The following PLCXD3 variants were observed in gnomAD, a reference collection of about 807,000 sequenced individuals.
PLCXD3 encodes phosphatidylinositol specific phospholipase C X domain containing 3.
PLCXD3 carries 19 observed loss-of-function variants against 25.5 expected under a neutral mutation model. The observed-to-expected ratio is 0.75, with a 90% CI of 0.52 to 1.09. PLCXD3 has a LOEUF of 1.09. Among genes scored for constraint, PLCXD3 ranks in the 50% least tolerant of loss-of-function variants. PLCXD3 has a pLI of 0.00. For missense variants in PLCXD3, 411 were observed against 388.1 expected, an observed-to-expected ratio of 1.06 and a Z score of -0.50; for synonymous variants, 174 against 137.6, an observed-to-expected ratio of 1.26 and a Z score of -1.85.
intron 1 of PLCXD3, among the ~76,000 whole-genome samples, chr5:41,489,277 C>T (rs1561288066): frequency 6.6e-6 from 1 of 152,060 alleles, no homozygotes; most frequent in African/African-American, 2.4e-5. Flanking sequence ...CTGTTCTGTT[C>T]CATTGATCTA....
intron 1 of PLCXD3, among the ~76,000 whole-genome samples, chr5:41,505,568 T>G (rs1439215720): frequency 3.3e-5 from 5 of 152,204 alleles, no homozygotes; most frequent in Non-Finnish European, 7.3e-5. Flanking sequence ...GCTGGTCCTG[T>G]GCACCACAAA....
chr5:41,426,264 G>A (rs921703698), intron 1 of PLCXD3, among the ~76,000 whole-genome samples: 1 of 151,948 alleles, frequency 6.6e-6, no homozygotes, highest in African/African-American at 2.4e-5. Flanking sequence ...TGAGGGGTGG[G>A]TTAAGGCCTT....
intron 1 of PLCXD3, among the ~76,000 whole-genome samples, chr5:41,386,729 T>A (rs149874460): frequency 7.9e-5 from 12 of 152,082 alleles, no homozygotes; most frequent in Non-Finnish European, 1.5e-4. Context: ...ATGGAAGTCA[T>A]TAATAGCTCA....
chr5:41,463,797 C>T (rs755735348), intron 1 of PLCXD3, among the ~76,000 whole-genome samples: 2 of 151,894 alleles, frequency 1.3e-5, no homozygotes, highest in Non-Finnish European at 2.9e-5. Flanking sequence ...CATTGGAATT[C>T]ACTACGAATG....
At position 41,381,820 on chromosome 5, in the gene PLCXD3, A is replaced by G. The variant is rs1745469845; in HGVS notation, c.812+6T>C. Reference sequence around the variant, plus strand: ...GGTTTCCCCCTGACATTTTAAAGACACTTACCTTTCTGTGATTGTTTCTCT... The same window carrying G: ...GGTTTCCCCCTGACATTTTAAAGACGCTTACCTTTCTGTGATTGTTTCTCT... On this transcript the variant is annotated splice_donor_region_variant and intron_variant, in intron 2 of 2. Transcript: ENST00000377801. 1 of 1,598,730 alleles carries G rather than the reference A, an allele frequency of 6.3e-7. No individual in the cohort carries two copies. Among genetic ancestry groups the G allele is most frequent in the South Asian group, 1.1e-5 (1 of 89,614 alleles).
At chr5:41,313,842 T>C in intron 2 of PLCXD3, 72 bp from the exon 3 acceptor site, 1 of 1,453,630 alleles carries the variant, frequency 6.9e-7, no homozygotes, top group Non-Finnish European at 9.2e-7. Flanking sequence ...ATTCTCAGTC[T>C]TCCCTTTAGT....
Position 41,313,104 on chromosome 5 carries a change from C to T in PLCXD3, c.*513G>A, listed in dbSNP as rs1054367122. On this transcript the variant is annotated 3_prime_UTR_variant, in exon 3 of 3. Coordinates refer to ENST00000377801, the MANE Select transcript of PLCXD3 (RefSeq NM_001005473.3). Reference sequence around the variant, plus strand: ...TATGACCAAAAATTAGCTATGATTGCCCAACTGTGGATGACTATAGAGCAT... The same window carrying T: ...TATGACCAAAAATTAGCTATGATTGTCCAACTGTGGATGACTATAGAGCAT... 1 of 152,806 alleles carries T rather than the reference C, an allele frequency of 6.5e-6. No individual in the cohort carries two copies. Among genetic ancestry groups the T allele is most frequent in the Non-Finnish European group, 1.5e-5 (1 of 68,324 alleles). The allele number at this position is 152,806 out of a possible 1,614,324, so 9.5% of individuals were successfully genotyped here.
intron 1 of PLCXD3, among the ~76,000 whole-genome samples, chr5:41,493,952 G>A (rs994016768): frequency 3.3e-5 from 5 of 152,148 alleles, no homozygotes; most frequent in African/African-American, 4.8e-5. Flanking sequence ...ACTGTCCTGC[G>A]CCCACTGTCT....
At chr5:41,363,167 C>A (rs943080894) in intron 2 of PLCXD3, among the ~76,000 whole-genome samples, 3 of 152,092 alleles carry the variant, frequency 2.0e-5, no homozygotes, top group African/African-American at 7.2e-5. Context: ...GGTTGAAAAA[C>A]CAGGTAAATA....
chr5:41,467,204 C>G (rs933201545), intron 1 of PLCXD3, among the ~76,000 whole-genome samples: 1 of 152,172 alleles, frequency 6.6e-6, no homozygotes. Context: ...TTTTCCACAT[C>G]CTCTCCAACA....
intron 1 of PLCXD3, among the ~76,000 whole-genome samples, chr5:41,500,065 G>T (rs1748920255): frequency 6.6e-6 from 1 of 151,638 alleles, no homozygotes; most frequent in Non-Finnish European, 1.5e-5. Context: ...ATCCCATACT[G>T]GTCATCTACC....
Position 41,312,652 on chromosome 5 carries a change from T to TTCCCTCCCTTCC in PLCXD3, c.*953_*964dup, listed in dbSNP as rs1332026567. 7.9e-6 allele frequency: 1 copy of TTCCCTCCCTTCC among 125,952 alleles called. No individual in the cohort carries two copies. The highest frequency in any genetic ancestry group is 1.7e-5 in the Non-Finnish European group (1 of 59,192). The allele number at this position is 125,952 out of a possible 1,614,324, so 7.8% of individuals were successfully genotyped here. On this transcript the variant is annotated 3_prime_UTR_variant, in exon 3 of 3. Coordinates refer to ENST00000377801, the MANE Select transcript of PLCXD3 (RefSeq NM_001005473.3). ...CTTCCTTCTGTCCTTCCCTCCCTTCTTCCCTCCCTTCCTCCCTCCCTTCCT... is the reference window on the plus strand; with the variant it reads ...CTTCCTTCTGTCCTTCCCTCCCTTCTTCCCTCCCTTCCTCCCTCCCTTCCTCCCTCCCTTCCT...
intron 1 of PLCXD3, among the ~76,000 whole-genome samples, chr5:41,398,256 T>A (rs1746070610): frequency 6.6e-6 from 1 of 152,278 alleles, no homozygotes; most frequent in African/African-American, 2.4e-5. Context: ...GGGGATGGAT[T>A]TCCCCCTGGC....
chr5:41,444,986 A>C (rs537153592), intron 1 of PLCXD3, among the ~76,000 whole-genome samples: 1 of 152,374 alleles, frequency 6.6e-6, no homozygotes, highest in South Asian at 2.1e-4. Flanking sequence ...GTAAGAGCTT[A>C]TTAGATGCTC....
intron 2 of PLCXD3, among the ~76,000 whole-genome samples, chr5:41,373,383 G>A (rs577651596): frequency 3.3e-5 from 5 of 152,100 alleles, no homozygotes; most frequent in African/African-American, 1.2e-4. Context: ...AGTGAACATG[G>A]GACTTATGAA....
intron 1 of PLCXD3, among the ~76,000 whole-genome samples, chr5:41,446,204 A>AAAAAAAAAAAAT: frequency 6.7e-6 from 1 of 149,650 alleles, no homozygotes; most frequent in Non-Finnish European, 1.5e-5. Flanking sequence ...AAAAAAAAGA[A>AAAAAAAAAAAAT]CAACGAGAGA....
Position 41,395,920 on chromosome 5 carries a change from T to C in PLCXD3, c.104-13386A>G, listed in dbSNP as rs10039127. Among the ~76,000 whole-genome samples, 1,013 of 147,238 alleles carry C rather than the reference T, an allele frequency of 6.9e-3. 16 individuals carry two copies. The highest frequency in any genetic ancestry group is 0.024 in the African/African-American group (967 of 39,856). On this transcript the variant is annotated intron_variant, in intron 1 of 2. Coordinates refer to ENST00000377801, the MANE Select transcript of PLCXD3 (RefSeq NM_001005473.3). ...AATCTGATTCAAACTATTCTAAAAA[T>C]AGAGAAGGAGGGAAAATTTCCAAAC...
At chr5:41,315,267 A>G (rs932520914) in intron 2 of PLCXD3, among the ~76,000 whole-genome samples, 2 of 152,152 alleles carry the variant, frequency 1.3e-5, no homozygotes, top group African/African-American at 2.4e-5. Context: ...ATTAATAAAG[A>G]AAGTTTGAGG....
At chr5:41,317,227 T>C (rs1191601415) in intron 2 of PLCXD3, among the ~76,000 whole-genome samples, 1 of 152,208 alleles carries the variant, frequency 6.6e-6, no homozygotes, top group African/African-American at 2.4e-5. Flanking sequence ...CCTGGTAACT[T>C]AGAGAATTCT....
Sources: allele counts gnomAD v4.1 joint callset (sites outside exome capture counted in the v4.1 genomes callset), GRCh38; gene constraint gnomAD v4.1.1; transcripts MANE v1.5; gene names NCBI Gene and HGNC (gene_info 2026-07-23, HGNC 2026-07-21).